The following ATP7A variants were observed in gnomAD, a reference collection of about 807,000 sequenced individuals.
ATP7A encodes the protein ATPase copper transporting alpha.
Under a neutral mutation model 83.5 loss-of-function variants are expected in ATP7A, and 7 were observed. The ratio of observed to expected loss-of-function variants is 0.08; its 90% CI spans 0.05 to 0.16. The LOEUF is 0.16. Among genes scored for constraint, ATP7A ranks in the 10% least tolerant of loss-of-function variants. The pLI is 1.00. For missense variants in ATP7A, 940 were observed against 1,120.8 expected, an observed-to-expected ratio of 0.84 and a Z score of 2.30; for synonymous variants, 354 against 395.2, an observed-to-expected ratio of 0.90 and a Z score of 1.24.
intron 1 of ATP7A, among the ~76,000 whole-genome samples, chrX:77,932,472 G>C (rs1336272719): frequency 8.9e-6 from 1 of 112,549 alleles, no homozygotes; most frequent in African/African-American, 3.2e-5. Context: ...GGGCGGCCGG[G>C]CAGAGACACT....
At position 77,988,686 on chromosome X, in the gene ATP7A, A is replaced by G. The variant is rs2228447; in HGVS notation, c.565A>G (p.Ile189Val). The change falls in exon 3 of 23, where the codon ATT becomes GTT. Residue 189 changes from isoleucine to valine, a missense_variant. This residue lies in a region of ATP7A where 350 missense variants were observed against 432.8 expected (regional missense o/e 0.81). Coordinates refer to ENST00000341514, the MANE Select transcript of ATP7A (RefSeq NM_000052.7). ...GMTCHSCTST[I>V]EGKIGKLQGV... Reference sequence around the variant, plus strand: ...GACCTGCCATTCATGTACTAGCACTATTGAAGGAAAAATTGGGAAACTGCA... The same window carrying G: ...GACCTGCCATTCATGTACTAGCACTGTTGAAGGAAAAATTGGGAAACTGCA... 1,615 of 1,209,342 alleles carry G rather than the reference A, an allele frequency of 1.3e-3. 21 individuals carry two copies. The African/African-American group carries it at 0.025, about 19-fold the overall frequency.
chrX:77,941,824 T>G (rs2077353074), intron 1 of ATP7A, among the ~76,000 whole-genome samples: 2 of 111,816 alleles, frequency 1.8e-5, no homozygotes, highest in South Asian at 7.3e-4. Flanking sequence ...AAATAGAAAA[T>G]ATATTTAAAT....
At chrX:78,031,673 A>G (rs1255020575) in intron 16 of ATP7A, 91 bp downstream of exon 16, 1 of 983,230 alleles carries the variant, frequency 1.0e-6, no homozygotes, top group East Asian at 3.1e-5. Context: ...TGTGATTTGC[A>G]TATATAGTTG....
chrX:78,037,979 G>GTTTT (rs1557237904), intron 17 of ATP7A, among the ~76,000 whole-genome samples: 1 of 56,852 alleles, frequency 1.8e-5, no homozygotes, highest in Non-Finnish European at 3.0e-5. Context: ...GATCAAGAAA[G>GTTTT]GTTTTTTTTT....
chrX:78,011,327 TATA>T, intron 8 of ATP7A, 75 bp downstream of exon 8: 1 of 1,082,412 alleles, frequency 9.2e-7, no homozygotes, highest in East Asian at 3.0e-5. Flanking sequence ...TGTCAGTTTT[TATA>T]ATATCATCCT....
chrX:78,028,320 C>G (rs2077960484), intron 14 of ATP7A, among the ~76,000 whole-genome samples: 1 of 110,505 alleles, frequency 9.0e-6, no homozygotes, highest in African/African-American at 3.3e-5. Context: ...TCCCAAGTAG[C>G]TGGGATTACA....
rs1300080642 is a variant in ATP7A at position 77,971,750 on chromosome X, C to T, written c.109C>T (p.His37Tyr). The T allele has an allele frequency of 8.3e-7, 1 of 1,209,082 alleles. No homozygotes were observed. The highest frequency in any genetic ancestry group is 1.8e-5 in the African/African-American group (1 of 57,058). ...GCAGATTGGAAAAGTGAATGGTGTG[C>T]ATCACATTAAGGTAAGTTACTCTTT... is the stretch of plus-strand genomic sequence containing the variant. Reference protein sequence around the residue: ...EQQIGKVNGVHHIKVSLEEKN... With the variant: ...EQQIGKVNGVYHIKVSLEEKN... Residue 37 changes from histidine (H) to tyrosine (Y), a missense_variant, in exon 2 of 23, where the codon CAT becomes TAT. His to Tyr is a moderately conservative substitution (Grantham distance 83). Coordinates refer to ENST00000341514, the MANE Select transcript of ATP7A (RefSeq NM_000052.7).
chrX:78,009,377 A>G (rs1557234134), intron 7 of ATP7A, 114 bp downstream of exon 7: 1 of 833,384 alleles, frequency 1.2e-6, no homozygotes, highest in East Asian at 3.1e-5. Context: ...ACTCCTTTGA[A>G]CACTTCAAAC....
chrX:77,913,426 C>T (rs1367687554), intron 1 of ATP7A, among the ~76,000 whole-genome samples: 1 of 111,288 alleles, frequency 9.0e-6, no homozygotes, highest in Non-Finnish European at 1.9e-5. Context: ...GGCTGGGGGA[C>T]AGATGAGTGA....
chrX:78,018,047 A>AT (rs2077880417), intron 12 of ATP7A, among the ~76,000 whole-genome samples: 1 of 103,731 alleles, frequency 9.6e-6, no homozygotes, highest in African/African-American at 3.5e-5. Context: ...AAGTGCTGGG[A>AT]TTACAGGCGT....
intron 1 of ATP7A, among the ~76,000 whole-genome samples, chrX:77,926,942 AT>A: frequency 9.0e-6 from 1 of 111,171 alleles, no homozygotes; most frequent in East Asian, 2.8e-4. Flanking sequence ...ACCTCAAGTG[AT>A]CCTCCTGCCT....
chrX:78,032,097 C>T (rs143976716), intron 16 of ATP7A, among the ~76,000 whole-genome samples: 275 of 112,233 alleles, frequency 2.5e-3, no homozygotes, highest in Middle Eastern at 4.6e-3. Flanking sequence ...GCCACATATA[C>T]GTATTTATCA....
intron 7 of ATP7A, among the ~76,000 whole-genome samples, chrX:78,009,605 C>G (rs2077803118): frequency 8.9e-6 from 1 of 111,814 alleles, no homozygotes; most frequent in Non-Finnish European, 1.9e-5. Context: ...TGCTTGATGG[C>G]TTTTTGTTTG....
chrX:77,990,993 T>C (rs1557232018), intron 4 of ATP7A, among the ~76,000 whole-genome samples: 1 of 111,833 alleles, frequency 8.9e-6, no homozygotes, highest in Non-Finnish European at 1.9e-5. Context: ...CCATTATTAA[T>C]TTTTAGTTCT....
At chrX:77,915,523 G>A (rs1020384479) in intron 1 of ATP7A, among the ~76,000 whole-genome samples, 3 of 110,785 alleles carry the variant, frequency 2.7e-5, no homozygotes, top group African/African-American at 9.8e-5. Flanking sequence ...TCTAATACAT[G>A]TACGGTGTCT....
chrX:77,996,034 C>T (rs1276571987), intron 4 of ATP7A, among the ~76,000 whole-genome samples: 1 of 111,803 alleles, frequency 8.9e-6, no homozygotes, highest in African/African-American at 3.3e-5. Flanking sequence ...CGTGAGCCAC[C>T]GTGCCCAGCC....
chrX:77,931,945 G>A (rs1444992909), intron 1 of ATP7A, among the ~76,000 whole-genome samples: 3 of 101,644 alleles, frequency 3.0e-5, no homozygotes, highest in African/African-American at 1.1e-4. Context: ...GCTGGGCGGG[G>A]GGCTGACCCC....
intron 10 of ATP7A, 111 bp downstream of exon 10, chrX:78,013,223 G>A: frequency 1.4e-6 from 1 of 693,965 alleles, no homozygotes; most frequent in South Asian, 2.4e-5. Context: ...ACCATTTACT[G>A]AAAGACGTAT....
At chrX:77,941,174 G>T (rs2077349479) in intron 1 of ATP7A, among the ~76,000 whole-genome samples, 1 of 111,544 alleles carries the variant, frequency 9.0e-6, no homozygotes, top group Non-Finnish European at 1.9e-5. Context: ...TTATCTAAAA[G>T]ATATGCTCAT....
Sources: gnomAD v4.1 joint callset for allele counts (sites outside exome capture counted in the v4.1 genomes callset) on GRCh38, gnomAD v4.1.1 for gene constraint, gnomAD v4.1.1 regional missense constraint, MANE v1.5 for transcripts, NCBI Gene and HGNC (gene_info 2026-07-23, HGNC 2026-07-21) for gene names.